ARID1B: variants seen among roughly 807,000 people sequenced by gnomAD.
ARID1B encodes the protein AT-rich interactive domain-containing protein 1B.
ARID1B carries 30 observed loss-of-function variants against 212.3 expected under a neutral mutation model. The observed-to-expected ratio is 0.14, with a 90% CI of 0.11 to 0.19. The LOEUF (loss-of-function observed/expected upper bound fraction) is 0.19, where lower values mean the gene tolerates loss of function less well. Among genes scored for constraint, ARID1B ranks in the 10% least tolerant of loss-of-function variants. The pLI is 1.00. For synonymous variants in ARID1B, 1,402 were observed against 1,301.7 expected (o/e 1.08, Z -1.66); for missense variants, 2,891 against 3,204.0 (o/e 0.90, Z 2.36).
At chr6:156,869,860 C>T (rs1785984484) in intron 2 of ARID1B, among the ~76,000 whole-genome samples, 1 of 152,200 alleles carries the variant, frequency 6.6e-6, no homozygotes, top group South Asian at 2.1e-4. Context: ...CAACTTCAGA[C>T]ATCTGTTGAA....
Position 156,869,847 on chromosome 6 carries a change from TAAC to T in ARID1B, c.1987-31525_1987-31523del, listed in dbSNP as rs1437374770. On this transcript the variant is annotated intron_variant, in intron 2 of 19. Coordinates refer to ENST00000636930, the MANE Select transcript of ARID1B (RefSeq NM_001374828.1). Reference sequence around the variant, plus strand: ...TGAGAGCAAGTAGTAAAATCACACTTAACAACTTCAGACATCTGTTGAAAATAT... The same window carrying T: ...TGAGAGCAAGTAGTAAAATCACACTTAACTTCAGACATCTGTTGAAAATAT... Among the ~76,000 whole-genome samples the T allele has an allele frequency of 3.9e-5, 6 of 152,330 alleles. No homozygotes were observed. In the East Asian group the frequency reaches 1.2e-3, roughly 29 times the overall value.
At chr6:157,193,516 G>C (rs1051391646) in intron 15 of ARID1B, 12 of 152,190 alleles carry the variant, frequency 7.9e-5, no homozygotes, top group African/African-American at 2.9e-4. Context: ...TTGTCAGCTA[G>C]GATATTGAGG....
intron 8 of ARID1B, among the ~76,000 whole-genome samples, chr6:157,156,832 C>T (rs1308612444): frequency 6.6e-6 from 1 of 152,180 alleles, no homozygotes; most frequent in African/African-American, 2.4e-5. Context: ...GTTTGGGAGG[C>T]ATGCTCCGGA....
chr6:157,116,956 T>C (rs976841573), intron 6 of ARID1B, among the ~76,000 whole-genome samples: 1 of 152,102 alleles, frequency 6.6e-6, no homozygotes, highest in Non-Finnish European at 1.5e-5. Context: ...ATAGAGAAAA[T>C]AGATAACAAA....
intron 7 of ARID1B, 139 bp downstream of exon 7, chr6:157,133,346 C>A: frequency 7.2e-6 from 7 of 971,254 alleles, no homozygotes; most frequent in Non-Finnish European, 1.0e-5. Context: ...GAGGTTCATA[C>A]AAGCCCACAG....
chr6:156,856,699 C>CTG (rs1784967372), intron 2 of ARID1B, among the ~76,000 whole-genome samples: 2 of 72,168 alleles, frequency 2.8e-5, no homozygotes, highest in African/African-American at 1.2e-4. Flanking sequence ...CTCTCTCTCT[C>CTG]TCACACACAC....
intron 8 of ARID1B, chr6:157,149,814 T>TGCGTGTGTGCATGTGTGTGC (rs1790071319): frequency 6.7e-6 from 1 of 150,040 alleles, no homozygotes. Flanking sequence ...AAGGTGTGTG[T>TGCGTGTGTGCATGTGTGTGC]GCGTGTGTGC....
rs373658317 is a variant in ARID1B at position 156,807,177 on chromosome 6, A to C, written c.1792-22050A>C. On this transcript the variant is annotated intron_variant, in intron 1 of 19. Coordinates refer to ENST00000636930, the MANE Select transcript of ARID1B (RefSeq NM_001374828.1). The stretch of plus-strand genomic sequence containing the variant: ...CACCCAGTGAAGCATCTTTGTTTGC[A>C]CAACTCTTTATTCTCTAGCATCTCA... Among the ~76,000 whole-genome samples, 25 of 144,496 alleles carry C rather than the reference A, an allele frequency of 1.7e-4. No individual in the cohort carries two copies. In the South Asian group the frequency reaches 5.6e-3, roughly 32 times the overall value. 94.8% of individuals were successfully genotyped at this position (144,496 alleles called of 152,430 possible).
intron 4 of ARID1B, among the ~76,000 whole-genome samples, chr6:157,070,017 A>C (rs756786446): frequency 6.6e-6 from 1 of 152,178 alleles, no homozygotes; most frequent in Non-Finnish European, 1.5e-5. Context: ...TTTTGCATAC[A>C]TATTATGCTT....
intron 4 of ARID1B, chr6:156,939,134 T>C (rs1792477861): frequency 6.6e-6 from 1 of 152,212 alleles, no homozygotes; most frequent in African/African-American, 2.4e-5. Context: ...GGTATTACTG[T>C]TATTGATAAA....
intron 4 of ARID1B, among the ~76,000 whole-genome samples, chr6:156,969,002 GT>G: frequency 6.6e-6 from 1 of 152,348 alleles, no homozygotes; most frequent in South Asian, 2.1e-4. Flanking sequence ...CATGCGCACA[GT>G]TGCACTGTTG....
At chr6:156,880,075 G>A (rs2128164915) in intron 2 of ARID1B, among the ~76,000 whole-genome samples, 1 of 152,334 alleles carries the variant, frequency 6.6e-6, no homozygotes, top group Middle Eastern at 3.4e-3. Flanking sequence ...TGAGTTGTGA[G>A]GTGGAGGCCA....
intron 2 of ARID1B, among the ~76,000 whole-genome samples, chr6:156,894,672 G>A (rs1788243557): frequency 6.6e-6 from 1 of 152,166 alleles, no homozygotes; most frequent in South Asian, 2.1e-4. Flanking sequence ...TCCTCCAAAA[G>A]GAGGAACAAA....
chr6:156,928,450 A>G (rs1791418755), intron 3 of ARID1B, among the ~76,000 whole-genome samples: 1 of 152,180 alleles, frequency 6.6e-6, no homozygotes, highest in African/African-American at 2.4e-5. Context: ...TGGGGGCCCA[A>G]GGGAGAAGGA....
At chr6:156,947,407 C>A (rs1793230993) in intron 4 of ARID1B, among the ~76,000 whole-genome samples, 1 of 152,114 alleles carries the variant, frequency 6.6e-6, no homozygotes, top group African/African-American at 2.4e-5. Flanking sequence ...GCATAGTCTA[C>A]AAATTTAATG....
chr6:157,123,176 ATCTTTCTCTGTCTCTGTC>A (rs1392451503), intron 6 of ARID1B, among the ~76,000 whole-genome samples: 1 of 148,996 alleles, frequency 6.7e-6, no homozygotes, highest in Non-Finnish European at 1.5e-5. Flanking sequence ...GGATTTTGAG[ATCTTTCTCTGTCTCTGTC>A]TCTGTCTCTC....
rs115938527 is a variant in ARID1B at position 156,796,980 on chromosome 6, C to T, written c.1791+17509C>T. On this transcript the variant is annotated intron_variant, in intron 1 of 19. Coordinates refer to ENST00000636930, the MANE Select transcript of ARID1B (RefSeq NM_001374828.1). ...AAGAGGCATTTGGAGGGATGCCTTCCATACCCCAAGACCCTGGGAAAGGAG... is the reference window on the plus strand; with the variant it reads ...AAGAGGCATTTGGAGGGATGCCTTCTATACCCCAAGACCCTGGGAAAGGAG... 2.5e-3 allele frequency among the ~76,000 whole-genome samples: 348 copies of T among 139,006 alleles called. 2 individuals are homozygous for T. The highest frequency in any genetic ancestry group is 8.2e-3 in the African/African-American group (314 of 38,122). 91.2% of individuals were successfully genotyped at this position (139,006 alleles called of 152,430 possible).
chr6:157,108,770 A>T (rs1786676905), intron 5 of ARID1B, among the ~76,000 whole-genome samples: 1 of 152,186 alleles, frequency 6.6e-6, no homozygotes, highest in African/African-American at 2.4e-5. Flanking sequence ...ATACTTAACG[A>T]AGTCTATGCT....
At chr6:156,826,480 C>A (rs1427723535) in intron 1 of ARID1B, among the ~76,000 whole-genome samples, 1 of 152,178 alleles carries the variant, frequency 6.6e-6, no homozygotes, top group East Asian at 1.9e-4. Context: ...TTGGGCACAA[C>A]GCACATAGTA....
Sources: allele counts gnomAD v4.1 joint callset (sites outside exome capture counted in the v4.1 genomes callset), GRCh38; gene constraint gnomAD v4.1.1; transcripts MANE v1.5; gene names NCBI Gene and HGNC (gene_info 2026-07-23, HGNC 2026-07-21).